Variants in MYO3A observed in about 807,000 individuals in gnomAD.
MYO3A encodes the protein myosin IIIA.
Under a neutral mutation model 192.7 loss-of-function variants are expected in MYO3A, and 180 were observed. The ratio of observed to expected loss-of-function variants is 0.93; its 90% confidence interval spans 0.83 to 1.06. The LOEUF (loss-of-function observed/expected upper bound fraction) is 1.06, where lower values mean the gene tolerates loss of function less well. Among genes scored for constraint, MYO3A ranks in the 50% least tolerant of loss-of-function variants. The pLI, the probability that MYO3A is intolerant of heterozygous loss-of-function variation, is 0.00. For missense variants in MYO3A, 1,896 were observed against 1,905.0 expected (o/e 1.00, Z 0.09); for synonymous variants, 628 against 645.3 (o/e 0.97, Z 0.41).
intron 17 of MYO3A, among the ~76,000 whole-genome samples, chr10:26,119,837 A>C (rs1418203670): frequency 6.6e-6 from 1 of 152,142 alleles, no homozygotes; most frequent in African/African-American, 2.4e-5. Flanking sequence ...AGTAATAACT[A>C]CTATAAACTC....
intron 10 of MYO3A, among the ~76,000 whole-genome samples, chr10:26,032,871 G>C (rs1842865149): frequency 6.6e-6 from 1 of 152,078 alleles, no homozygotes; most frequent in South Asian, 2.1e-4. Flanking sequence ...CTGTGACTAT[G>C]TCATGTTGAG....
intron 4 of MYO3A, among the ~76,000 whole-genome samples, chr10:25,962,428 T>C (rs1273527692): frequency 6.6e-6 from 1 of 152,050 alleles, no homozygotes; most frequent in Non-Finnish European, 1.5e-5. Flanking sequence ...TTGAATGAAG[T>C]TTTATGCTGT....
chr10:26,160,571 G>A (rs1428565156), intron 26 of MYO3A, among the ~76,000 whole-genome samples: 1 of 152,030 alleles, frequency 6.6e-6, no homozygotes. Context: ...CTTGAGCCCA[G>A]GAGTTCAAGG....
intron 17 of MYO3A, among the ~76,000 whole-genome samples, chr10:26,101,074 G>T (rs967110860): frequency 6.6e-6 from 1 of 152,160 alleles, no homozygotes; most frequent in African/African-American, 2.4e-5. Flanking sequence ...ATGAATCTGG[G>T]TGCTCCTGTA....
chr10:26,030,947 TTA>T (rs1842776271), intron 10 of MYO3A, among the ~76,000 whole-genome samples: 1 of 152,210 alleles, frequency 6.6e-6, no homozygotes, highest in Non-Finnish European at 1.5e-5. Flanking sequence ...TAAGACCATG[TTA>T]TAATACACTC....
rs10828924 is a variant in MYO3A, at chr10:25,991,795, G to A, written c.304-4695G>A. The stretch of plus-strand genomic sequence containing the variant: ...AATCCTTTCCCCATTGCTTGTTTTT[G>A]TCGGGTTTGTCAAAGATCAGATAGT... On this transcript the variant is annotated intron_variant, in intron 4 of 34. Coordinates refer to ENST00000642920, the MANE Select transcript of MYO3A (RefSeq NM_017433.5). Among the ~76,000 whole-genome samples, 49 of 151,044 alleles carry A rather than the reference G, an allele frequency of 3.2e-4. 1 individual carries two copies. The highest frequency in any genetic ancestry group is 1.2e-3 in the African/African-American group (49 of 41,372).
chr10:26,189,283 G>T (rs76261215), intron 31 of MYO3A, among the ~76,000 whole-genome samples: 1 of 152,128 alleles, frequency 6.6e-6, no homozygotes, highest in Non-Finnish European at 1.5e-5. Flanking sequence ...TAATTACCTC[G>T]CTAAAGACCC....
At chr10:25,952,769 G>C (rs1013844066) in intron 3 of MYO3A, among the ~76,000 whole-genome samples, 2 of 151,852 alleles carry the variant, frequency 1.3e-5, no homozygotes, top group African/African-American at 4.8e-5. Context: ...AAGCAGACAT[G>C]GTGTGGATTT....
At chr10:26,054,087 G>A (rs1321686751) in intron 10 of MYO3A, among the ~76,000 whole-genome samples, 2 of 152,122 alleles carry the variant, frequency 1.3e-5, no homozygotes, top group Non-Finnish European at 2.9e-5. Context: ...TAGGAGATAC[G>A]GTGGGAGAAG....
chr10:26,178,233 G>A (rs1842425919), intron 31 of MYO3A, among the ~76,000 whole-genome samples: 1 of 152,194 alleles, frequency 6.6e-6, no homozygotes, highest in Non-Finnish European at 1.5e-5. Flanking sequence ...AGGAAGCCAG[G>A]CAGCTCACCC....
At chr10:26,078,777 A>G (rs1325869215) in intron 14 of MYO3A, among the ~76,000 whole-genome samples, 1 of 152,164 alleles carries the variant, frequency 6.6e-6, no homozygotes, top group African/African-American at 2.4e-5. Flanking sequence ...ATGCTCATTC[A>G]GGAGCAGGTT....
At chr10:26,030,069 C>A (rs923888254) in intron 10 of MYO3A, among the ~76,000 whole-genome samples, 8 of 152,086 alleles carry the variant, frequency 5.3e-5, no homozygotes, top group Non-Finnish European at 7.4e-5. Flanking sequence ...AAGGAAGAAG[C>A]GGCAGTTTTT....
At chr10:26,113,246 G>A (rs1838298916) in intron 17 of MYO3A, among the ~76,000 whole-genome samples, 2 of 152,056 alleles carry the variant, frequency 1.3e-5, no homozygotes, top group Non-Finnish European at 1.5e-5. Context: ...TGAGGCGGGC[G>A]GATTGCCTGA....
chr10:26,007,677 G>GAC (rs1841319293), intron 6 of MYO3A, among the ~76,000 whole-genome samples: 1 of 151,356 alleles, frequency 6.6e-6, no homozygotes, highest in Non-Finnish European at 1.5e-5. Context: ...ACTTACAAGG[G>GAC]ATGTAAAGGA....
chr10:26,062,041 G>A (rs558942101), intron 10 of MYO3A, among the ~76,000 whole-genome samples: 8 of 114,720 alleles, frequency 7.0e-5, no homozygotes, highest in East Asian at 2.1e-4. Flanking sequence ...CATGCCAGAC[G>A]TTGTGGGGGG....
chr10:26,100,129 AGTCTTGGGAGGGTGTATGT>A (rs1837340657), intron 17 of MYO3A, among the ~76,000 whole-genome samples: 1 of 152,130 alleles, frequency 6.6e-6, no homozygotes, highest in African/African-American at 2.4e-5. Context: ...TTCCTGGTTT[AGTCTTGGGAGGGTGTATGT>A]GTCCAGGAAT....
intron 15 of MYO3A, among the ~76,000 whole-genome samples, chr10:26,095,171 A>G (rs1023020659): frequency 4.6e-5 from 7 of 152,116 alleles, no homozygotes; most frequent in Non-Finnish European, 1.0e-4. Context: ...TCCTGCCCCA[A>G]CCCCTATGGT....
intron 4 of MYO3A, 120 bp downstream of exon 4, chr10:25,955,128 C>A: frequency 7.1e-7 from 1 of 1,411,624 alleles, no homozygotes; most frequent in Non-Finnish European, 1.0e-6. Flanking sequence ...TCCTGACCAG[C>A]CATGAATGTT....
intron 20 of MYO3A, among the ~76,000 whole-genome samples, chr10:26,140,349 C>T (rs1447816024): frequency 6.6e-6 from 1 of 152,102 alleles, no homozygotes; most frequent in African/African-American, 2.4e-5. Flanking sequence ...GGCTTTCCTG[C>T]CACTGTGCTG....
Sources: allele counts gnomAD v4.1 joint callset (sites outside exome capture counted in the v4.1 genomes callset), GRCh38; gene constraint gnomAD v4.1.1; transcripts MANE v1.5; gene names NCBI Gene and HGNC (gene_info 2026-07-23, HGNC 2026-07-21).